The following SMPD3 variants were observed in gnomAD, a reference collection of about 807,000 sequenced individuals.
SMPD3 encodes sphingomyelin phosphodiesterase 3.
Under a neutral mutation model 55.7 loss-of-function variants are expected in SMPD3, and 21 were observed. The observed-to-expected ratio is 0.38, with a 90% confidence interval of 0.27 to 0.54. The LOEUF (loss-of-function observed/expected upper bound fraction) is 0.54. Ranked by LOEUF, SMPD3 falls within the 20% of genes least tolerant of loss-of-function variation. SMPD3 has a pLI of 0.80. For missense variants in SMPD3, 842 were observed against 899.6 expected (o/e 0.94, Z 0.82); for synonymous variants, 457 against 404.3 (o/e 1.13, Z -1.56).
At chr16:68,423,978 G>A (rs910734128) in intron 1 of SMPD3, among the ~76,000 whole-genome samples, 2 of 151,982 alleles carry the variant, frequency 1.3e-5, no homozygotes, top group African/African-American at 4.8e-5. Context: ...CAGTGAGGGT[G>A]GACATGGCCC....
intron 1 of SMPD3, among the ~76,000 whole-genome samples, chr16:68,443,182 G>A (rs953332215): frequency 2.6e-5 from 4 of 152,200 alleles, no homozygotes; most frequent in African/African-American, 9.6e-5. Context: ...GACAAGACTT[G>A]TGGTCTGAAA....
chr16:68,384,828 T>A (rs1357817120), intron 2 of SMPD3, among the ~76,000 whole-genome samples: 1 of 150,756 alleles, frequency 6.6e-6, no homozygotes. Context: ...TAGGAACCCC[T>A]GCCGACTGAG....
At chr16:68,379,923 G>A (rs576430552) in intron 2 of SMPD3, among the ~76,000 whole-genome samples, 1 of 152,266 alleles carries the variant, frequency 6.6e-6, no homozygotes, top group Non-Finnish European at 1.5e-5. Context: ...AGTGGTGCAC[G>A]TCCTAGAGGT....
chr16:68,363,945 G>T, intron 5 of SMPD3, 79 bp from the exon 6 acceptor site: 2 of 1,316,086 alleles, frequency 1.5e-6, no homozygotes, highest in Non-Finnish European at 1.1e-6. Flanking sequence ...CTTCCCATCA[G>T]TTACTCCCCA....
chr16:68,424,614 G>A (rs1388161102), intron 1 of SMPD3, among the ~76,000 whole-genome samples: 1 of 152,218 alleles, frequency 6.6e-6, no homozygotes, highest in Admixed American at 6.5e-5. Flanking sequence ...ACACAGAATG[G>A]TTCAGCGCCA....
intron 2 of SMPD3, among the ~76,000 whole-genome samples, chr16:68,384,756 C>G (rs919619364): frequency 6.6e-6 from 1 of 152,130 alleles, no homozygotes; most frequent in African/African-American, 2.4e-5. Context: ...CCACTCCCCC[C>G]GCAAGCACTC....
chr16:68,367,157 T>C (rs1043578287), intron 3 of SMPD3, among the ~76,000 whole-genome samples: 1 of 152,162 alleles, frequency 6.6e-6, no homozygotes, highest in Non-Finnish European at 1.5e-5. Flanking sequence ...GGCGACAGAA[T>C]GAGACTGTCT....
Position 68,363,792 on chromosome 16 carries a change from TCTC to T in SMPD3, c.1627_1629del (p.Glu543del), listed in dbSNP as rs764562075. The T allele has an allele frequency of 4.5e-6, 7 of 1,567,426 alleles. No homozygotes were observed. Among genetic ancestry groups the T allele is most frequent in the East Asian group, 2.3e-5 (1 of 42,558 alleles). On this transcript the variant is annotated inframe_deletion, in exon 6 of 9. Transcript: ENST00000219334. ...CCCAGCTCACCGATGGCCCACGGCTTCTCCTCACCAGGCCCCAGGCGGCAGGGG... is the reference window on the plus strand; with the variant it reads ...CCCAGCTCACCGATGGCCCACGGCTTCTCACCAGGCCCCAGGCGGCAGGGG...
chr16:68,427,771 A>T (rs1008291940), intron 1 of SMPD3, among the ~76,000 whole-genome samples: 1 of 151,584 alleles, frequency 6.6e-6, no homozygotes, highest in African/African-American at 2.4e-5. Flanking sequence ...GTGCTGATGC[A>T]TTGTGAGCAG....
At chr16:68,368,910 T>A (rs754454068) in intron 3 of SMPD3, 1 of 152,094 alleles carries the variant, frequency 6.6e-6, no homozygotes, top group Non-Finnish European at 1.5e-5. Flanking sequence ...TTCTGTGAAA[T>A]ATCTTGATTT....
At chr16:68,401,532 G>C (rs1257618608) in intron 1 of SMPD3, among the ~76,000 whole-genome samples, 3 of 152,036 alleles carry the variant, frequency 2.0e-5, no homozygotes, top group Non-Finnish European at 2.9e-5. Context: ...CCTGTCTTTG[G>C]AGCATGCTTT....
At chr16:68,379,376 A>G (rs976614737) in intron 2 of SMPD3, among the ~76,000 whole-genome samples, 1 of 152,230 alleles carries the variant, frequency 6.6e-6, no homozygotes, top group African/African-American at 2.4e-5. Flanking sequence ...AAGCCTTGGT[A>G]ATAACCGTCT....
chr16:68,443,377 G>C (rs2090583630), intron 1 of SMPD3, among the ~76,000 whole-genome samples: 2 of 152,164 alleles, frequency 1.3e-5, no homozygotes, highest in African/African-American at 4.8e-5. Flanking sequence ...GCAAATAGGT[G>C]GAAGGAATCT....
rs2089433872 is a variant in SMPD3 at position 68,364,997 on chromosome 16, CAG to C, written c.1399+18_1399+19del. On this transcript the variant is annotated intron_variant, in intron 4 of 8. Transcript: ENST00000219334. ...ACTGATCCCATGCCTAGAAAAAACA[CAG>C]GTGGGCGGCAACCCTACCTTGCGGG... 1 of 1,613,968 alleles carries C rather than the reference CAG, an allele frequency of 6.2e-7. No individual in the cohort carries two copies. Among genetic ancestry groups the C allele is most frequent in the African/African-American group, 1.3e-5 (1 of 74,930 alleles).
chr16:68,431,201 C>T lies in SMPD3; in HGVS notation c.-269+17152G>A, dbSNP rs150271141. The stretch of plus-strand genomic sequence containing the variant: ...AGTCTCACATAATAAAGGGGGCTGC[C>T]GACTCCCAGGGAAGTGATGACATGC... On this transcript the variant is annotated intron_variant, in intron 1 of 8. Coordinates refer to ENST00000219334, the MANE Select transcript of SMPD3 (RefSeq NM_018667.4). 3.1e-4 allele frequency among the ~76,000 whole-genome samples: 47 copies of T among 152,228 alleles called. 1 individual carries two copies. The highest frequency in any genetic ancestry group is 1.0e-3 in the South Asian group (5 of 4,808).
At position 68,371,257 on chromosome 16, in the gene SMPD3, GC is replaced by G; in HGVS notation, c.924del (p.Pro309GlnfsTer22). 1.2e-6 allele frequency: 2 copies of G among 1,605,900 alleles called. No individual in the cohort carries two copies. On this transcript the variant is annotated frameshift_variant, in exon 3 of 9. Transcript: ENST00000219334. LOFTEE classifies it high-confidence loss of function. ...GGCTCCCCGCTGGCACTGGTGTCTG[GC>G]CCAGCTCGCCCCTTCACCAGGGACT... ...SRESLVKGRA[G>X]PDTSASGEPG...
At chr16:68,380,030 T>C (rs2089913184) in intron 2 of SMPD3, among the ~76,000 whole-genome samples, 1 of 152,192 alleles carries the variant, frequency 6.6e-6, no homozygotes, top group African/African-American at 2.4e-5. Flanking sequence ...ATGGGCCCCA[T>C]CCTAGGGGGA....
intron 2 of SMPD3, among the ~76,000 whole-genome samples, chr16:68,384,079 G>A (rs1333285409): frequency 2.0e-5 from 3 of 152,232 alleles, no homozygotes; most frequent in Non-Finnish European, 2.9e-5. Context: ...GACTCCAGGA[G>A]GTTGCCCAGG....
chr16:68,435,352 G>A (rs2090514183), intron 1 of SMPD3, among the ~76,000 whole-genome samples: 1 of 152,184 alleles, frequency 6.6e-6, no homozygotes, highest in African/African-American at 2.4e-5. Context: ...GAATTTCAGT[G>A]AGGGCTTTTT....
Sources: gnomAD v4.1 joint callset for allele counts (sites outside exome capture counted in the v4.1 genomes callset) on GRCh38, gnomAD v4.1.1 for gene constraint, MANE v1.5 for transcripts, NCBI Gene and HGNC (gene_info 2026-07-23, HGNC 2026-07-21) for gene names.